The following SNX29 variants were observed in gnomAD, a reference collection of about 807,000 sequenced individuals.
SNX29 encodes sorting nexin-29.
A neutral mutation model predicts 102.1 loss-of-function variants in SNX29; 78 were observed. The observed-to-expected ratio is 0.76, with a 90% CI of 0.64 to 0.92. The LOEUF (loss-of-function observed/expected upper bound fraction) is 0.92, where lower values mean the gene tolerates loss of function less well. SNX29 is among the 40% of genes least tolerant of loss of function. SNX29 has a pLI of 0.00. For missense variants in SNX29, 1,280 were observed against 1,061.7 expected (o/e 1.21, Z -2.86); for synonymous variants, 580 against 414.5 (o/e 1.40, Z -4.85).
intron 5 of SNX29, among the ~76,000 whole-genome samples, chr16:12,045,301 G>A (rs908131569): frequency 1.3e-5 from 2 of 152,140 alleles, no homozygotes; most frequent in Non-Finnish European, 2.9e-5. Context: ...CCCTGACTTT[G>A]CTTTAGCGAA....
intron 18 of SNX29, among the ~76,000 whole-genome samples, chr16:12,415,060 T>G (rs1442947661): frequency 6.6e-6 from 1 of 152,214 alleles, no homozygotes; most frequent in Non-Finnish European, 1.5e-5. Flanking sequence ...AGAAGACAGC[T>G]AGGGGCTAAG....
At chr16:12,228,009 C>G (rs981278296) in intron 14 of SNX29, among the ~76,000 whole-genome samples, 12 of 151,260 alleles carry the variant, frequency 7.9e-5, no homozygotes, top group African/African-American at 2.9e-4. Context: ...GCTGGGCTGG[C>G]CCACGCCTGT....
At chr16:12,202,641 G>C (rs931869955) in intron 14 of SNX29, among the ~76,000 whole-genome samples, 6 of 152,266 alleles carry the variant, frequency 3.9e-5, no homozygotes, top group African/African-American at 7.2e-5. Context: ...CACGGAGCCA[G>C]TGTAGGGAAG....
chr16:12,073,271 G>C (rs370144643), intron 10 of SNX29, among the ~76,000 whole-genome samples: 2 of 151,972 alleles, frequency 1.3e-5, no homozygotes, highest in African/African-American at 2.4e-5. Context: ...GTTAGGGTGT[G>C]AATTTTGGAT....
At chr16:12,215,830 C>G (rs1166839786) in intron 14 of SNX29, among the ~76,000 whole-genome samples, 1 of 152,224 alleles carries the variant, frequency 6.6e-6, no homozygotes, top group Non-Finnish European at 1.5e-5. Context: ...TTAAGCCAAG[C>G]AAGGCTGTAC....
At chr16:12,526,672 A>G in intron 20 of SNX29, 1 of 510,560 alleles carries the variant, frequency 2.0e-6, no homozygotes, top group South Asian at 1.6e-5. Flanking sequence ...GTCATCACGC[A>G]TCGACTGAAT....
At chr16:12,261,861 T>C (rs1384305979) in intron 14 of SNX29, among the ~76,000 whole-genome samples, 2 of 123,608 alleles carry the variant, frequency 1.6e-5, no homozygotes. Context: ...CGTGCATCCC[T>C]GGCTGGAGTG....
chr16:12,492,905 C>A (rs886973672), intron 19 of SNX29, among the ~76,000 whole-genome samples: 13 of 152,160 alleles, frequency 8.5e-5, no homozygotes, highest in Non-Finnish European at 1.5e-4. Context: ...TGTTTTGGTA[C>A]CAGTAAAATG....
intron 20 of SNX29, among the ~76,000 whole-genome samples, chr16:12,567,033 C>G (rs951534148): frequency 6.6e-6 from 1 of 151,586 alleles, no homozygotes; most frequent in South Asian, 2.1e-4. Context: ...AGATTCACTC[C>G]TGAGATACAT....
intron 14 of SNX29, among the ~76,000 whole-genome samples, chr16:12,272,909 C>T (rs754909832): frequency 1.3e-5 from 2 of 152,204 alleles, no homozygotes; most frequent in Non-Finnish European, 2.9e-5. Flanking sequence ...TCTTTGACTG[C>T]TCCACCTCCA....
At chr16:12,027,498 T>C in intron 4 of SNX29, 54 bp downstream of exon 4, 1 of 1,599,840 alleles carries the variant, frequency 6.3e-7, no homozygotes, top group Admixed American at 1.7e-5. Context: ...TCTGCTCTTT[T>C]TCTTTTTATT....
At chr16:12,013,224 C>G (rs1392312448) in intron 3 of SNX29, among the ~76,000 whole-genome samples, 1 of 151,490 alleles carries the variant, frequency 6.6e-6, no homozygotes, top group East Asian at 2.0e-4. Context: ...AAATAGCCAG[C>G]AAACATATAT....
At position 12,503,591 on chromosome 16, in the gene SNX29, G is replaced by C. The variant is rs147795342; in HGVS notation, c.2179-21111G>C. The stretch of plus-strand genomic sequence containing the variant: ...GTCGTGAGAGGAATTTGATTTCTGT[G>C]ATTGAAAAGAGCAGAAATGGTGCAG... On this transcript the variant is annotated intron_variant, in intron 19 of 20. Transcript: ENST00000566228. Among the ~76,000 whole-genome samples the C allele has an allele frequency of 4.1e-3, 625 of 152,336 alleles. 8 individuals carry two copies. Among genetic ancestry groups the C allele is most frequent in the South Asian group, 0.029 (140 of 4,828 alleles).
chr16:12,090,568 C>T (rs924513404), intron 11 of SNX29, among the ~76,000 whole-genome samples: 2 of 152,142 alleles, frequency 1.3e-5, no homozygotes, highest in Non-Finnish European at 2.9e-5. Flanking sequence ...AACCCTAGTC[C>T]CGGGGTTTAG....
intron 13 of SNX29, among the ~76,000 whole-genome samples, chr16:12,190,938 C>T (rs908670243): frequency 6.6e-6 from 1 of 152,108 alleles, no homozygotes; most frequent in South Asian, 2.1e-4. Context: ...CGCTGGCTGG[C>T]TGGGTTTATT....
In SNX29 at chr16:12,129,826, C is replaced by T. The variant is rs371392036; in HGVS notation, c.1595+68C>T. 901 of 1,489,358 alleles carry T rather than the reference C, an allele frequency of 6.0e-4. 6 individuals are homozygous for T. The South Asian group carries it at 9.7e-3, about 16-fold the overall frequency. 92.3% of individuals were successfully genotyped at this position (1,489,358 alleles called of 1,614,324 possible). On this transcript the variant is annotated intron_variant, in intron 13 of 20. Coordinates refer to ENST00000566228, the MANE Select transcript of SNX29 (RefSeq NM_032167.5). Reference sequence around the variant, plus strand: ...TCATTAAAACCTGAGCATACTGGGCCGGGCACGGTGGCTCATGCCTGTAAT... The same window carrying T: ...TCATTAAAACCTGAGCATACTGGGCTGGGCACGGTGGCTCATGCCTGTAAT...
At chr16:12,108,868 C>T (rs575619201) in intron 11 of SNX29, among the ~76,000 whole-genome samples, 9 of 152,040 alleles carry the variant, frequency 5.9e-5, no homozygotes, top group Admixed American at 1.3e-4. Flanking sequence ...CAGTGGCTCA[C>T]GCCTGTAATC....
At chr16:12,001,999 G>C (rs1401974269) in intron 2 of SNX29, among the ~76,000 whole-genome samples, 1 of 138,398 alleles carries the variant, frequency 7.2e-6, no homozygotes, top group Non-Finnish European at 1.5e-5. Context: ...CAGCCTCGGT[G>C]ACAGAGAGAG....
At chr16:12,306,549 A>G (rs2080345042) in intron 15 of SNX29, among the ~76,000 whole-genome samples, 1 of 152,202 alleles carries the variant, frequency 6.6e-6, no homozygotes, top group Admixed American at 6.5e-5. Flanking sequence ...TTTCCTGGCC[A>G]GGGCTGAGCG....
Sources: gnomAD v4.1 joint callset for allele counts (sites outside exome capture counted in the v4.1 genomes callset) on GRCh38, gnomAD v4.1.1 for gene constraint, MANE v1.5 for transcripts, NCBI Gene and HGNC (gene_info 2026-07-23, HGNC 2026-07-21) for gene names.